Variants in THSD7A observed in about 807,000 individuals in gnomAD.
THSD7A encodes the protein thrombospondin type 1 domain containing 7A.
A neutral mutation model predicts 231.3 loss-of-function variants in THSD7A; 96 were observed. The observed-to-expected ratio is 0.41, with a 90% confidence interval of 0.35 to 0.49. The LOEUF (loss-of-function observed/expected upper bound fraction) is 0.49, where lower values mean the gene tolerates loss of function less well. Among genes scored for constraint, THSD7A ranks in the 20% least tolerant of loss-of-function variants. The pLI is 0.05. For missense variants in THSD7A, 2,290 were observed against 2,070.2 expected (o/e 1.11, Z -2.06); for synonymous variants, 940 against 743.3 (o/e 1.26, Z -4.30).
chr7:11,474,695 A>G lies in THSD7A; in HGVS notation c.2018-127T>C, dbSNP rs559275594. On this transcript the variant is annotated intron_variant, in intron 7 of 27. Transcript: ENST00000423059. The surrounding 1 kb of genome is among the most constrained non-coding windows in gnomAD (Gnocchi z 4.1). Reference sequence around the variant, plus strand: ...TTTTCTTCCCCACATCAAGTTCATAAATACACGCAATATTTATGTGAGATG... The same window carrying G: ...TTTTCTTCCCCACATCAAGTTCATAGATACACGCAATATTTATGTGAGATG... 1.5e-6 allele frequency: 1 copy of G among 689,532 alleles called. No homozygotes were observed. The highest frequency in any genetic ancestry group is 2.0e-5 in the South Asian group (1 of 49,000). The allele number at this position is 689,532 out of a possible 1,614,324, so 42.7% of individuals were successfully genotyped here. A position where few individuals can be genotyped will look rare whatever the true frequency, so the allele number is the denominator to read the frequency against.
At chr7:11,666,955 C>T (rs1783158919) in intron 1 of THSD7A, among the ~76,000 whole-genome samples, 1 of 151,910 alleles carries the variant, frequency 6.6e-6, no homozygotes, top group South Asian at 2.1e-4. Flanking sequence ...TACAGTTATC[C>T]AGTGGAATCT....
intron 1 of THSD7A, among the ~76,000 whole-genome samples, chr7:11,711,773 A>T (rs143393135): frequency 2.6e-5 from 4 of 151,222 alleles, no homozygotes; most frequent in African/African-American, 4.8e-5. Context: ...ACCATGCTGC[A>T]CAAGAGAAGT....
chr7:11,546,340 T>A (rs1789398567), intron 4 of THSD7A, among the ~76,000 whole-genome samples: 1 of 151,932 alleles, frequency 6.6e-6, no homozygotes, highest in South Asian at 2.1e-4. Flanking sequence ...TCCATCAGAG[T>A]GTTGCTGCTA....
chr7:11,754,171 T>C (rs570110898), intron 1 of THSD7A, among the ~76,000 whole-genome samples: 1 of 152,114 alleles, frequency 6.6e-6, no homozygotes, highest in Non-Finnish European at 1.5e-5. Flanking sequence ...ACAAATATAT[T>C]CAAAGAAATC....
At chr7:11,732,395 T>C (rs190610827) in intron 1 of THSD7A, among the ~76,000 whole-genome samples, 2 of 151,958 alleles carry the variant, frequency 1.3e-5, no homozygotes, top group Admixed American at 6.6e-5. Context: ...GCCGGACGCA[T>C]AGTGCAAAGT....
chr7:11,629,452 A>G (rs1781578981), intron 2 of THSD7A, among the ~76,000 whole-genome samples: 1 of 152,188 alleles, frequency 6.6e-6, no homozygotes, highest in Non-Finnish European at 1.5e-5. Context: ...CGCTTTGGAT[A>G]TAACAGAAAG....
chr7:11,657,307 G>C (rs985669554), intron 1 of THSD7A, among the ~76,000 whole-genome samples: 1 of 151,724 alleles, frequency 6.6e-6, no homozygotes, highest in African/African-American at 2.4e-5. Context: ...CATGGGACTT[G>C]AGGTTGTTTA....
At chr7:11,513,389 G>C (rs1787899922) in intron 6 of THSD7A, among the ~76,000 whole-genome samples, 1 of 151,522 alleles carries the variant, frequency 6.6e-6, no homozygotes, top group Non-Finnish European at 1.5e-5. Flanking sequence ...TAGTCAAATG[G>C]AAACATCCCA....
intron 6 of THSD7A, among the ~76,000 whole-genome samples, chr7:11,495,503 C>G (rs1016177380): frequency 2.0e-5 from 3 of 152,036 alleles, no homozygotes; most frequent in African/African-American, 7.2e-5. Flanking sequence ...CTTTACCTCC[C>G]AATTCTGTAG....
chr7:11,796,612 G>T lies in THSD7A; in HGVS notation c.190+35145C>A, dbSNP rs1020850756. On this transcript the variant is annotated intron_variant, in intron 1 of 27. Coordinates refer to ENST00000423059, the MANE Select transcript of THSD7A (RefSeq NM_015204.3). ...TTCATTTAGGTCTTCCTTTTCTCTT[G>T]TAAGATTATCTCTAAGTATTTCACG... 3.4e-5 allele frequency among the ~76,000 whole-genome samples: 5 copies of T among 147,682 alleles called. No homozygotes were observed. In the East Asian group the frequency reaches 9.9e-4, roughly 29 times the overall value.
At chr7:11,774,498 A>G (rs1371673562) in intron 1 of THSD7A, among the ~76,000 whole-genome samples, 3 of 43,960 alleles carry the variant, frequency 6.8e-5, no homozygotes, top group Non-Finnish European at 1.6e-4. Context: ...ACACACACAC[A>G]CACACACACA....
At position 11,805,421 on chromosome 7, in the gene THSD7A, A is replaced by T. The variant is rs369038478; in HGVS notation, c.190+26336T>A. Among the ~76,000 whole-genome samples, 8 of 149,102 alleles carry T rather than the reference A, an allele frequency of 5.4e-5. No homozygotes were observed. In the East Asian group the frequency reaches 1.0e-3, roughly 19 times the overall value. ...GTTAATGTAATGTTCTCAGACAAAA[A>T]CTCATATACACAAAAATCTACACAG... On this transcript the variant is annotated intron_variant, in intron 1 of 27. Coordinates refer to ENST00000423059, the MANE Select transcript of THSD7A (RefSeq NM_015204.3).
intron 2 of THSD7A, among the ~76,000 whole-genome samples, chr7:11,626,396 T>C (rs996218272): frequency 1.3e-5 from 2 of 152,112 alleles, no homozygotes; most frequent in Non-Finnish European, 2.9e-5. Context: ...GTTGTATGCC[T>C]TTAATATGTA....
chr7:11,602,763 GA>G (rs1364674512), intron 2 of THSD7A, among the ~76,000 whole-genome samples: 2 of 151,768 alleles, frequency 1.3e-5, no homozygotes, highest in Non-Finnish European at 2.9e-5. Flanking sequence ...GGCACAAAAA[GA>G]AGATGATATT....
intron 1 of THSD7A, among the ~76,000 whole-genome samples, chr7:11,775,792 C>G (rs1443220039): frequency 6.6e-6 from 1 of 151,978 alleles, no homozygotes; most frequent in Non-Finnish European, 1.5e-5. Flanking sequence ...TACCTAATGC[C>G]ACAGAATTGT....
chr7:11,519,117 T>C (rs1307885386), intron 6 of THSD7A, among the ~76,000 whole-genome samples: 1 of 152,164 alleles, frequency 6.6e-6, no homozygotes, highest in African/African-American at 2.4e-5. Context: ...TTGGTTTATA[T>C]ATAATATCTT....
At chr7:11,775,429 G>C (rs1382554008) in intron 1 of THSD7A, among the ~76,000 whole-genome samples, 2 of 152,146 alleles carry the variant, frequency 1.3e-5, no homozygotes, top group Admixed American at 6.5e-5. Flanking sequence ...TAGTCCAAAA[G>C]TGGAAGCACC....
intron 1 of THSD7A, among the ~76,000 whole-genome samples, chr7:11,658,227 G>A (rs979092028): frequency 6.6e-6 from 1 of 151,796 alleles, no homozygotes; most frequent in East Asian, 1.9e-4. Context: ...CTTTTTAAGA[G>A]AGAGTCACTT....
chr7:11,822,045 A>C (rs192371226), intron 1 of THSD7A, among the ~76,000 whole-genome samples: 65 of 152,172 alleles, frequency 4.3e-4, no homozygotes, highest in Non-Finnish European at 6.5e-4. Flanking sequence ...CCCTTTCCCA[A>C]TATGCTATTA....
Sources: allele counts gnomAD v4.1 joint callset (sites outside exome capture counted in the v4.1 genomes callset), GRCh38; gene constraint gnomAD v4.1.1; non-coding constraint Gnocchi (gnomAD v3.1); transcripts MANE v1.5; gene names NCBI Gene and HGNC (gene_info 2026-07-23, HGNC 2026-07-21).